Variants in COL6A5 observed in about 807,000 individuals in gnomAD.
COL6A5 encodes the protein collagen alpha-5(VI) chain.
A neutral mutation model predicts 65.6 loss-of-function variants in COL6A5; 48 were observed. The observed-to-expected ratio is 0.73, with a 90% CI of 0.58 to 0.93. COL6A5 has a LOEUF of 0.93. Among genes scored for constraint, COL6A5 ranks in the 40% least tolerant of loss-of-function variants. The probability of loss-of-function intolerance (pLI) is 0.00; values close to 1 mark genes in which losing one functional copy is unlikely to be tolerated. For synonymous variants in COL6A5, 291 were observed against 322.8 expected (o/e 0.90, Z 1.05); for missense variants, 914 against 928.3 (o/e 0.98, Z 0.20).
chr3:130,483,785 A>G (rs1365566741), intron 7 of COL6A5, among the ~76,000 whole-genome samples: 2 of 152,196 alleles, frequency 1.3e-5, no homozygotes, highest in African/African-American at 4.8e-5. Context: ...TAAATTTGCT[A>G]AACATGGAAT....
intron 23 of COL6A5, 105 bp downstream of exon 23, chr3:130,415,812 T>A: frequency 1.0e-6 from 1 of 966,384 alleles, no homozygotes; most frequent in Non-Finnish European, 1.4e-6. Context: ...ACATATATAT[T>A]ATTTCATTTT....
At chr3:130,408,730 A>G (rs1937082078) in intron 17 of COL6A5, among the ~76,000 whole-genome samples, 1 of 152,070 alleles carries the variant, frequency 6.6e-6, no homozygotes, top group Non-Finnish European at 1.5e-5. Flanking sequence ...CCCAGCTGTA[A>G]AATTTCTCTC....
chr3:130,433,567 A>G (rs961582577), intron 1 of COL6A5, among the ~76,000 whole-genome samples: 1 of 151,656 alleles, frequency 6.6e-6, no homozygotes, highest in African/African-American at 2.4e-5. Flanking sequence ...CCTGCCTTGC[A>G]CTCTTCTCCA....
intron 13 of COL6A5, among the ~76,000 whole-genome samples, chr3:130,404,730 T>A (rs965447581): frequency 6.6e-6 from 1 of 152,190 alleles, no homozygotes; most frequent in African/African-American, 2.4e-5. Context: ...CTCCTCCTTT[T>A]GCAGGGAATG....
chr3:130,453,948 G>A (rs819086), intron 4 of COL6A5, among the ~76,000 whole-genome samples: 135,050 of 152,234 alleles, frequency 0.89, 60,309 homozygotes, highest in Non-Finnish European at 0.94. Flanking sequence ...TCTGAAGGAC[G>A]ATGTGGCACT....
chr3:130,353,653 G>A (rs1296027563), intron 1 of COL6A5, among the ~76,000 whole-genome samples: 2 of 151,426 alleles, frequency 1.3e-5, no homozygotes, highest in African/African-American at 4.9e-5. Flanking sequence ...AGAGAGAGAA[G>A]TGGTAAGAAA....
intron 24 of COL6A5, among the ~76,000 whole-genome samples, chr3:130,417,989 T>TA (rs1937400453): frequency 6.6e-6 from 1 of 152,058 alleles, no homozygotes; most frequent in South Asian, 2.1e-4. Context: ...TGGTTAAAAA[T>TA]ACAGTATTGT....
chr3:130,426,571 A>G (rs1937606987), upstream of COL6A5, among the ~76,000 whole-genome samples: 1 of 152,120 alleles, frequency 6.6e-6, no homozygotes, highest in African/African-American at 2.4e-5. Flanking sequence ...TAAAGGAGAG[A>G]GGAAAGGGGG....
intron 4 of COL6A5, among the ~76,000 whole-genome samples, chr3:130,453,992 A>G (rs1194286151): frequency 6.6e-6 from 1 of 152,146 alleles, no homozygotes; most frequent in Non-Finnish European, 1.5e-5. Flanking sequence ...CCAACCTTGA[A>G]TAAATCATAA....
exon 11 of COL6A5, chr3:130,401,147 C>T (rs1208230858): frequency 6.5e-7 from 1 of 1,545,106 alleles, no homozygotes; most frequent in African/African-American, 1.4e-5. Context: ...AATGAGAGAA[C>T]TGGGCAAAAA....
intron 1 of COL6A5, among the ~76,000 whole-genome samples, chr3:130,348,254 C>G (rs1934575509): frequency 6.6e-6 from 1 of 152,192 alleles, no homozygotes; most frequent in Admixed American, 6.5e-5. Flanking sequence ...GGCATTTGTC[C>G]TAATGCTCTC....
At chr3:130,436,948 A>G (rs1709048906) in intron 1 of COL6A5, among the ~76,000 whole-genome samples, 1 of 152,162 alleles carries the variant, frequency 6.6e-6, no homozygotes. Context: ...CTAGATTCAT[A>G]CACAGAGCAG....
chr3:130,439,852 T>C (rs1577511273), intron 2 of COL6A5, among the ~76,000 whole-genome samples: 1 of 46,614 alleles, frequency 2.1e-5, no homozygotes, highest in Non-Finnish European at 1.8e-4. Flanking sequence ...TTGGGGACAA[T>C]TGGGTAGTTT....
chr3:130,367,410 T>G (rs1021903441), intron 1 of COL6A5, among the ~76,000 whole-genome samples: 2 of 152,202 alleles, frequency 1.3e-5, no homozygotes, highest in African/African-American at 4.8e-5. Context: ...CATCCTCCCA[T>G]ATTTTATCAG....
intron 1 of COL6A5, among the ~76,000 whole-genome samples, chr3:130,366,882 G>A (rs1041453972): frequency 1.3e-5 from 2 of 152,180 alleles, no homozygotes; most frequent in Non-Finnish European, 2.9e-5. Flanking sequence ...ATAGGTTTAT[G>A]ACCTTTACTG....
intron 10 of COL6A5, among the ~76,000 whole-genome samples, chr3:130,399,827 G>A (rs147687338): frequency 0.024 from 3,598 of 151,058 alleles, 141 homozygotes; most frequent in African/African-American, 0.082. Context: ...ATCTCAGCTC[G>A]CTGCAACCTC....
exon 7 of COL6A5, chr3:130,391,183 TA>T: frequency 6.5e-7 from 1 of 1,547,228 alleles, no homozygotes; most frequent in East Asian, 2.4e-5. Flanking sequence ...TTTCAGATTG[TA>T]AAAGGATTAC....
intron 7 of COL6A5, among the ~76,000 whole-genome samples, chr3:130,480,795 AC>A: frequency 6.6e-6 from 1 of 152,264 alleles, no homozygotes; most frequent in Non-Finnish European, 1.5e-5. Flanking sequence ...TCTGTTTTAG[AC>A]CAGCTTCCCC....
intron 3 of COL6A5, among the ~76,000 whole-genome samples, chr3:130,378,719 C>T (rs1284809047): frequency 6.6e-6 from 1 of 152,108 alleles, no homozygotes; most frequent in African/African-American, 2.4e-5. Flanking sequence ...CTTCAGAACT[C>T]CGTGTGGCTG....
Sources: gnomAD v4.1 joint callset for allele counts (sites outside exome capture counted in the v4.1 genomes callset) on GRCh38, gnomAD v4.1.1 for gene constraint, MANE v1.5 for transcripts, NCBI Gene and HGNC (gene_info 2026-07-23, HGNC 2026-07-21) for gene names.